Variants in WDSUB1 observed in about 807,000 individuals in gnomAD.
WDSUB1 encodes the protein WD repeat, sterile alpha motif and U-box domain containing 1.
WDSUB1 carries 49 observed loss-of-function variants against 53.9 expected under a neutral mutation model. The ratio of observed to expected loss-of-function variants is 0.91; its 90% CI spans 0.72 to 1.15. WDSUB1 has a LOEUF of 1.15. Among genes scored for constraint, WDSUB1 ranks in the 50% most tolerant of loss-of-function variants. WDSUB1 has a pLI of 0.00. For missense variants in WDSUB1, 514 were observed against 562.0 expected (o/e 0.91, Z 0.86); for synonymous variants, 194 against 200.6 (o/e 0.97, Z 0.28).
intron 4 of WDSUB1, among the ~76,000 whole-genome samples, chr2:159,273,539 G>C (rs1381836462): frequency 6.6e-6 from 1 of 151,966 alleles, no homozygotes; most frequent in Non-Finnish European, 1.5e-5. Context: ...TCCTGACTCA[G>C]GCTCCCAAGA....
intron 10 of WDSUB1, among the ~76,000 whole-genome samples, chr2:159,244,880 A>G (rs567384550): frequency 7.9e-5 from 12 of 152,318 alleles, no homozygotes; most frequent in Middle Eastern, 3.4e-3. Flanking sequence ...CAGTGAGTTA[A>G]GATTGTGCCA....
intron 2 of WDSUB1, among the ~76,000 whole-genome samples, chr2:159,282,196 A>AT (rs2061679232): frequency 3.1e-5 from 4 of 127,846 alleles, no homozygotes; most frequent in African/African-American, 7.4e-5. Context: ...AGTTAAAAAA[A>AT]ATTTTTTTTT....
At position 159,256,276 on chromosome 2, in the gene WDSUB1, C is replaced by A. The variant is rs990819997; in HGVS notation, c.1052G>T (p.Gly351Val). 1 of 1,611,738 alleles carries A rather than the reference C, an allele frequency of 6.2e-7. No homozygotes were observed. Among genetic ancestry groups the A allele is most frequent in the African/African-American group, 1.3e-5 (1 of 74,788 alleles). ...ATCAATGTTATTCATCTTGAAAATACCAACAAGATCTTTTAAATCTTGTGC... is the reference window on the plus strand; with the variant it reads ...ATCAATGTTATTCATCTTGAAAATAACAACAAGATCTTTTAAATCTTGTGC... ...LCAQDLKDLV[G>V]IFKMNNIDGK... Residue 351 changes from glycine (G) to valine (V), a missense_variant, in exon 9 of 11, where the codon GGT becomes GTT. Physicochemically the swap from Gly to Val is moderately radical, Grantham distance 109 (BLOSUM62 -3). Coordinates refer to ENST00000359774, the MANE Select transcript of WDSUB1 (RefSeq NM_001128212.3).
At position 159,242,217 on chromosome 2, in the gene WDSUB1, A is replaced by AT. The variant is rs1188394214; in HGVS notation, c.1274-6028dup. Among the ~76,000 whole-genome samples, 26 of 145,506 alleles carry AT rather than the reference A, an allele frequency of 1.8e-4. 1 individual carries two copies. Among genetic ancestry groups the AT allele is most frequent in the Middle Eastern group, 3.3e-3 (1 of 306 alleles). On this transcript the variant is annotated intron_variant, in intron 10 of 10. Transcript: ENST00000359774. ...AGGCACACGCCACCACACCCAGCTA[A>AT]TTTTTTTTTAAATATATTTTTAGTA...
Position 159,282,803 on chromosome 2 carries a change from C to A in WDSUB1, c.267G>T (p.Leu89=), listed in dbSNP as rs1202110822. The change falls in exon 2 of 11, where the codon CTG becomes CTT. Residue 89 remains leucine, a synonymous_variant. Transcript: ENST00000359774. ...TGCCACTAGGCTGTTCCATCACTGC[C>A]AGCATCTGTCCATTTTCAGTATTCC... ...VLWNTENGQM[L]AVMEQPSGSP... 20 of 1,614,092 alleles carry A rather than the reference C, an allele frequency of 1.2e-5. No individual in the cohort carries two copies. The highest frequency in any genetic ancestry group is 1.6e-5 in the Non-Finnish European group (19 of 1,180,044).
intron 8 of WDSUB1, among the ~76,000 whole-genome samples, chr2:159,256,776 C>T (rs2061073223): frequency 1.3e-5 from 2 of 152,182 alleles, no homozygotes; most frequent in Admixed American, 6.5e-5. Flanking sequence ...AAAAATAAAA[C>T]TCCTAAATTA....
At position 159,275,693 on chromosome 2, in the gene WDSUB1, A is replaced by C. The variant is rs1575489605; in HGVS notation, c.584-55T>G. On this transcript the variant is annotated intron_variant, in intron 3 of 10. Transcript: ENST00000359774. ...ATTTGTAAAACACTGAAACCCCCCC[A>C]AAATTCCCATTTCTTATACTAAGAT... The C allele has an allele frequency of 1.5e-5, 16 of 1,079,876 alleles. 1 individual carries two copies. Among genetic ancestry groups the C allele is most frequent in the South Asian group, 3.4e-5 (2 of 59,586 alleles). The allele number at this position is 1,079,876 out of a possible 1,614,324, so 66.9% of individuals were successfully genotyped here.
chr2:159,238,657 C>T (rs1057174793), intron 10 of WDSUB1, among the ~76,000 whole-genome samples: 4 of 152,204 alleles, frequency 2.6e-5, no homozygotes, highest in African/African-American at 9.6e-5. Context: ...GGATTTTAAA[C>T]TTTTCCATTG....
At chr2:159,270,008 A>C (rs1278995420) in intron 5 of WDSUB1, among the ~76,000 whole-genome samples, 3 of 152,238 alleles carry the variant, frequency 2.0e-5, no homozygotes, top group Admixed American at 1.3e-4. Context: ...AAGGCACAGA[A>C]GATACCAAAG....
At chr2:159,265,293 C>CCACACACACACA (rs75210001) in intron 5 of WDSUB1, among the ~76,000 whole-genome samples, 12,004 of 149,374 alleles carry the variant, frequency 0.08, 639 homozygotes, top group Non-Finnish European at 0.12. Context: ...AGCACACACA[C>CCACACACACACA]CACACACACA....
intron 5 of WDSUB1, among the ~76,000 whole-genome samples, chr2:159,265,205 CTGTT>C (rs769740278): frequency 5.3e-5 from 8 of 151,818 alleles, no homozygotes; most frequent in Non-Finnish European, 8.8e-5. Flanking sequence ...AGTGGGATGA[CTGTT>C]TGAGCCCAGG....
chr2:159,280,862 A>AACAATTAAC (rs2061649881), intron 2 of WDSUB1, among the ~76,000 whole-genome samples: 1 of 152,120 alleles, frequency 6.6e-6, no homozygotes. Context: ...TTAAAAACCC[A>AACAATTAAC]ACAATTAACA....
chr2:159,235,834 T>G lies in WDSUB1; in HGVS notation c.*199A>C, dbSNP rs74984526. On this transcript the variant is annotated 3_prime_UTR_variant, in exon 11 of 11. Coordinates refer to ENST00000359774, the MANE Select transcript of WDSUB1 (RefSeq NM_001128212.3). ...ACTTTATTTCTATATAGCTGAAGAT[T>G]CTTTTCACTAGTACAAAAAGGCTTT... 7,022 of 425,436 alleles carry G rather than the reference T, an allele frequency of 0.017. 443 individuals carry two copies. Among genetic ancestry groups the G allele is most frequent in the African/African-American group, 0.13 (6,319 of 48,838 alleles). 26.4% of individuals were successfully genotyped at this position (425,436 alleles called of 1,614,324 possible).
intron 5 of WDSUB1, among the ~76,000 whole-genome samples, chr2:159,260,284 G>A (rs2061161219): frequency 6.6e-6 from 1 of 151,892 alleles, no homozygotes; most frequent in African/African-American, 2.4e-5. Context: ...CAGCCTGGGT[G>A]GCAAAGTGAG....
intron 2 of WDSUB1, among the ~76,000 whole-genome samples, chr2:159,280,648 G>A (rs182129687): frequency 0.019 from 2,377 of 125,204 alleles, 99 homozygotes; most frequent in African/African-American, 0.072. Context: ...CCGAGATCCC[G>A]CCACTGCACT....
At chr2:159,268,083 C>T (rs1272920099) in intron 5 of WDSUB1, among the ~76,000 whole-genome samples, 4 of 152,088 alleles carry the variant, frequency 2.6e-5, no homozygotes, top group Non-Finnish European at 5.9e-5. Context: ...AGAATTATAC[C>T]GCTATAAAAT....
intron 5 of WDSUB1, 112 bp from the exon 6 acceptor site, chr2:159,259,955 A>T: frequency 1.8e-6 from 2 of 1,135,688 alleles, no homozygotes; most frequent in East Asian, 2.8e-5. Flanking sequence ...GACAGATATT[A>T]ACATACATTT....
chr2:159,261,609 A>AC (rs2061189525), intron 5 of WDSUB1, among the ~76,000 whole-genome samples: 1 of 151,872 alleles, frequency 6.6e-6, no homozygotes, highest in Non-Finnish European at 1.5e-5. Context: ...GCATCCTTAA[A>AC]ACACACACAC....
intron 5 of WDSUB1, among the ~76,000 whole-genome samples, chr2:159,269,090 A>G (rs2061399076): frequency 1.3e-5 from 2 of 152,186 alleles, no homozygotes; most frequent in Admixed American, 1.3e-4. Flanking sequence ...GAGGACAGAA[A>G]GAAAGGAACA....
Sources: allele counts gnomAD v4.1 joint callset (sites outside exome capture counted in the v4.1 genomes callset), GRCh38; gene constraint gnomAD v4.1.1; transcripts MANE v1.5; gene names NCBI Gene and HGNC (gene_info 2026-07-23, HGNC 2026-07-21).